GPC5: variants seen among roughly 807,000 people sequenced by gnomAD.
The protein encoded by GPC5 is glypican-5.
A neutral mutation model predicts 53.9 loss-of-function variants in GPC5; 47 were observed. The observed-to-expected ratio is 0.87, with a 90% CI of 0.69 to 1.11. GPC5 has a LOEUF of 1.11. Ranked by LOEUF, GPC5 falls within the 50% of genes most tolerant of loss-of-function variation. The pLI, the probability that GPC5 is intolerant of heterozygous loss-of-function variation, is 0.00. For synonymous variants in GPC5, 286 were observed against 263.3 expected (o/e 1.09, Z -0.84); for missense variants, 748 against 713.1 (o/e 1.05, Z -0.56).
intron 5 of GPC5, among the ~76,000 whole-genome samples, chr13:91,840,654 A>G (rs1031971880): frequency 2.0e-5 from 3 of 151,674 alleles, no homozygotes; most frequent in African/African-American, 4.9e-5. Context: ...TGCATTTTCT[A>G]TTTACGCCAT....
chr13:92,459,559 G>A (rs1435449461), intron 7 of GPC5, among the ~76,000 whole-genome samples: 1 of 152,170 alleles, frequency 6.6e-6, no homozygotes, highest in Non-Finnish European at 1.5e-5. Context: ...CTGGACGATT[G>A]TTCACAGTGG....
intron 5 of GPC5, among the ~76,000 whole-genome samples, chr13:91,858,057 T>C (rs1221159879): frequency 6.6e-6 from 1 of 151,710 alleles, no homozygotes; most frequent in Non-Finnish European, 1.5e-5. Flanking sequence ...CATAGGTTGG[T>C]TGTTTATTAT....
intron 7 of GPC5, among the ~76,000 whole-genome samples, chr13:92,696,524 G>A (rs762673626): frequency 1.8e-4 from 28 of 152,100 alleles, no homozygotes; most frequent in African/African-American, 6.3e-4. Flanking sequence ...CATAGCCTTC[G>A]CCCACTTTTT....
At chr13:92,136,696 C>A (rs2041787209) in intron 6 of GPC5, among the ~76,000 whole-genome samples, 1 of 151,562 alleles carries the variant, frequency 6.6e-6, no homozygotes, top group African/African-American at 2.4e-5. Flanking sequence ...CATCTGCTCT[C>A]ATGTTTGGAG....
chr13:92,771,796 A>G (rs1875626222), intron 7 of GPC5, among the ~76,000 whole-genome samples: 1 of 152,138 alleles, frequency 6.6e-6, no homozygotes, highest in East Asian at 1.9e-4. Flanking sequence ...TGTATTTCTT[A>G]CAATCCGTAA....
chr13:92,223,669 C>T (rs190046721), intron 7 of GPC5, among the ~76,000 whole-genome samples: 3 of 151,308 alleles, frequency 2.0e-5, no homozygotes, highest in Admixed American at 2.0e-4. Context: ...AATTATGACT[C>T]AGGGTGGTGG....
chr13:91,606,273 A>T (rs912206076), intron 2 of GPC5, among the ~76,000 whole-genome samples: 4 of 150,710 alleles, frequency 2.7e-5, no homozygotes, highest in African/African-American at 9.8e-5. Flanking sequence ...ATTTGCGTAT[A>T]TTGAACCAGC....
intron 7 of GPC5, among the ~76,000 whole-genome samples, chr13:92,806,536 A>T (rs1022198867): frequency 6.6e-6 from 1 of 152,068 alleles, no homozygotes; most frequent in East Asian, 1.9e-4. Flanking sequence ...TTCCTCACTA[A>T]GCTAAATCAT....
At chr13:91,990,587 C>T (rs1355890582) in intron 6 of GPC5, among the ~76,000 whole-genome samples, 4 of 152,104 alleles carry the variant, frequency 2.6e-5, no homozygotes, top group African/African-American at 7.2e-5. Flanking sequence ...ATGTTTAATA[C>T]ATTTAAAAAT....
intron 7 of GPC5, among the ~76,000 whole-genome samples, chr13:92,417,796 C>A (rs537774320): frequency 6.6e-6 from 1 of 152,086 alleles, no homozygotes; most frequent in African/African-American, 2.4e-5. Context: ...GGGGCTGATG[C>A]GGGAGGATTG....
Position 92,456,780 on chromosome 13 carries a change from A to C in GPC5, c.1561+311791A>C, listed in dbSNP as rs145239178. Among the ~76,000 whole-genome samples, 14 of 152,210 alleles carry C rather than the reference A, an allele frequency of 9.2e-5. No homozygotes were observed. In the East Asian group the frequency reaches 2.5e-3, roughly 27 times the overall value. ...TATTCTCTCCTCACCCTCACAGTCT[A>C]TCTCTTACATCAGGGTTTTTCAATC... On this transcript the variant is annotated intron_variant, in intron 7 of 7. Coordinates refer to ENST00000377067, the MANE Select transcript of GPC5 (RefSeq NM_004466.6).
intron 1 of GPC5, among the ~76,000 whole-genome samples, chr13:91,416,262 A>G (rs1878214049): frequency 6.6e-6 from 1 of 152,152 alleles, no homozygotes; most frequent in African/African-American, 2.4e-5. Flanking sequence ...GACCTCAAAA[A>G]GAATAACTAG....
chr13:92,293,118 T>C (rs771807799), intron 7 of GPC5, among the ~76,000 whole-genome samples: 1 of 152,164 alleles, frequency 6.6e-6, no homozygotes, highest in Admixed American at 6.5e-5. Context: ...CCAGATTAGT[T>C]ATTTTTGTTT....
intron 6 of GPC5, among the ~76,000 whole-genome samples, chr13:91,912,516 A>G (rs1388328815): frequency 6.6e-6 from 1 of 152,226 alleles, no homozygotes; most frequent in East Asian, 1.9e-4. Flanking sequence ...ACTTAATTAT[A>G]CATATAAATA....
At chr13:91,851,391 G>A (rs1156369705) in intron 5 of GPC5, among the ~76,000 whole-genome samples, 1 of 152,124 alleles carries the variant, frequency 6.6e-6, no homozygotes, top group Non-Finnish European at 1.5e-5. Flanking sequence ...TGCTCTAGGC[G>A]AGTCAGTAAG....
chr13:92,557,824 T>C (rs1400684331), intron 7 of GPC5, among the ~76,000 whole-genome samples: 1 of 151,948 alleles, frequency 6.6e-6, no homozygotes, highest in Non-Finnish European at 1.5e-5. Context: ...ACCTGGATTA[T>C]GGCAGTCATC....
intron 5 of GPC5, among the ~76,000 whole-genome samples, chr13:91,852,625 G>T (rs970879090): frequency 6.6e-6 from 1 of 152,050 alleles, no homozygotes; most frequent in Non-Finnish European, 1.5e-5. Context: ...TGCAAAAGCT[G>T]CACACATCAC....
At chr13:92,595,457 C>T (rs2139072966) in intron 7 of GPC5, among the ~76,000 whole-genome samples, 1 of 152,198 alleles carries the variant, frequency 6.6e-6, no homozygotes, top group East Asian at 1.9e-4. Flanking sequence ...GTGCGTAGAC[C>T]TTCTCTGGAA....
intron 7 of GPC5, among the ~76,000 whole-genome samples, chr13:92,626,425 T>A (rs975659171): frequency 1.3e-5 from 2 of 152,092 alleles, no homozygotes; most frequent in African/African-American, 4.8e-5. Flanking sequence ...GGCACTCATG[T>A]GCTATGAGGG....
Sources: gnomAD v4.1 joint callset for allele counts (sites outside exome capture counted in the v4.1 genomes callset) on GRCh38, gnomAD v4.1.1 for gene constraint, MANE v1.5 for transcripts, NCBI Gene and HGNC (gene_info 2026-07-23, HGNC 2026-07-21) for gene names.